Variants in BPTF observed in about 807,000 individuals in gnomAD.
BPTF encodes bromodomain PHD finger transcription factor, also known as nucleosome-remodeling factor subunit BPTF.
BPTF carries 18 observed loss-of-function variants against 292.5 expected under a neutral mutation model. That is an observed-to-expected ratio of 0.06 (90% CI 0.04 to 0.09). BPTF has a LOEUF of 0.09. BPTF is among the 10% of genes least tolerant of loss of function. BPTF has a pLI of 1.00. For synonymous variants in BPTF, 1,225 were observed against 1,251.9 expected (o/e 0.98, Z 0.45); for missense variants, 2,726 against 3,498.7 (o/e 0.78, Z 5.57).
chr17:67,964,567 A>G (rs2067824703), intron 25 of BPTF, among the ~76,000 whole-genome samples, 163 bp downstream of exon 25: 2 of 152,198 alleles, frequency 1.3e-5, no homozygotes, highest in African/African-American at 4.8e-5. Flanking sequence ...TACCAGTGCC[A>G]TGAGCTTTAC....
chr17:67,946,947 T>G (rs2065853628), intron 21 of BPTF, among the ~76,000 whole-genome samples: 1 of 152,232 alleles, frequency 6.6e-6, no homozygotes, highest in Non-Finnish European at 1.5e-5. Context: ...CATCTACCTA[T>G]AGCTTGCTTC....
intron 1 of BPTF, among the ~76,000 whole-genome samples, chr17:67,831,483 G>A (rs1195562857): frequency 6.6e-6 from 1 of 152,146 alleles, no homozygotes; most frequent in Non-Finnish European, 1.5e-5. Flanking sequence ...CACACAGTTC[G>A]TGCTTTTCTA....
chr17:67,976,287 A>T (rs1599048267), intron 27 of BPTF, among the ~76,000 whole-genome samples: 1 of 152,378 alleles, frequency 6.6e-6, no homozygotes, highest in South Asian at 2.1e-4. Context: ...AGACTGGCCA[A>T]CATGGGGAAA....
intron 23 of BPTF, chr17:67,951,707 A>G (rs537902739): frequency 1.3e-5 from 2 of 152,320 alleles, no homozygotes; most frequent in Admixed American, 6.5e-5. Flanking sequence ...GTATGTATTC[A>G]TATATAAACC....
intron 19 of BPTF, among the ~76,000 whole-genome samples, chr17:67,943,325 T>C (rs1217841154): frequency 1.3e-5 from 2 of 152,232 alleles, no homozygotes; most frequent in African/African-American, 4.8e-5. Context: ...ACTTAGTACA[T>C]GGACTTTGCG....
At chr17:67,936,201 G>T (rs2064901950) in intron 18 of BPTF, among the ~76,000 whole-genome samples, 1 of 152,096 alleles carries the variant, frequency 6.6e-6, no homozygotes, top group African/African-American at 2.4e-5. Flanking sequence ...ATATAGCAGG[G>T]TTTTTTGTTG....
chr17:67,941,425 C>T (rs916326521), intron 19 of BPTF, among the ~76,000 whole-genome samples: 4 of 152,084 alleles, frequency 2.6e-5, no homozygotes, highest in South Asian at 2.1e-4. Context: ...TGCATTCCAG[C>T]CTGGGTGACA....
At position 67,912,529 on chromosome 17, in the gene BPTF, A is replaced by G. The variant is rs747073968; in HGVS notation, c.4645A>G (p.Ile1549Val). The change falls in exon 11 of 28, where the codon ATT (isoleucine) becomes GTT (valine). Residue 1549 changes from isoleucine to valine, a missense_variant. By Grantham distance (29) the Ile-to-Val change is conservative (BLOSUM62 3). Transcript: ENST00000306378. The stretch of plus-strand genomic sequence containing the variant: ...AGTTAAGAAAGTTACTTCATCACCT[A>G]TTACTTCTGAAGAGGAATCTAATCT... The part of the protein sequence containing the change: ...SEVKKVTSSP[I>V]TSEEESNLSN... The G allele has an allele frequency of 1.3e-5, 21 of 1,613,914 alleles. No homozygotes were observed. Among genetic ancestry groups the G allele is most frequent in the South Asian group, 6.6e-5 (6 of 91,066 alleles).
rs183144401 is a variant in BPTF, at chr17:67,981,609, G to A, written c.8727-643G>A. 22 of 1,043,880 alleles carry A rather than the reference G, an allele frequency of 2.1e-5. No homozygotes were observed. The East Asian group carries it at 2.2e-3, about 105-fold the overall frequency. 64.7% of individuals were successfully genotyped at this position (1,043,880 alleles called of 1,614,324 possible). ...GTATCGTGGTAAAAAATTTACTCTA[G>A]CAGCCATGTTGAACAATGTATTTAA... On this transcript the variant is annotated intron_variant, in intron 27 of 27. Transcript: ENST00000306378.
chr17:67,959,020 C>T (rs1269866517), intron 23 of BPTF, among the ~76,000 whole-genome samples: 10 of 152,212 alleles, frequency 6.6e-5, no homozygotes, highest in Non-Finnish European at 1.5e-4. Context: ...TTGCACTACT[C>T]TCCCTGCAGT....
chr17:67,978,879 G>T (rs1472858520), intron 27 of BPTF, among the ~76,000 whole-genome samples: 3 of 152,132 alleles, frequency 2.0e-5, no homozygotes, highest in African/African-American at 7.2e-5. Context: ...AGAAAGTTGT[G>T]TAAGTGTACC....
At chr17:67,902,735 T>TG (rs1227977438) in intron 7 of BPTF, among the ~76,000 whole-genome samples, 3 of 152,136 alleles carry the variant, frequency 2.0e-5, no homozygotes, top group Admixed American at 2.0e-4. Flanking sequence ...GAGTTTTTTG[T>TG]GGGGGGAAAG....
At chr17:67,826,488 C>T in intron 1 of BPTF, 151 bp downstream of exon 1, 2 of 862,678 alleles carry the variant, frequency 2.3e-6, no homozygotes. Context: ...CATCAAGTGG[C>T]AAAAAACTAG....
intron 14 of BPTF, among the ~76,000 whole-genome samples, chr17:67,923,469 G>GTT (rs2063603130): frequency 1.8e-5 from 2 of 108,470 alleles, no homozygotes; most frequent in South Asian, 3.5e-4. Flanking sequence ...CTCTCTCTCT[G>GTT]TCTTTTTTTT....
At chr17:67,881,864 T>TTG (rs1555632625) in intron 4 of BPTF, among the ~76,000 whole-genome samples, 5 of 92,610 alleles carry the variant, frequency 5.4e-5, no homozygotes, top group African/African-American at 2.1e-4. Context: ...TTTTGTTTTT[T>TTG]TTTTTTTTTT....
chr17:67,976,072 T>TAA (rs61489754), intron 27 of BPTF, 114 bp downstream of exon 27: 1 of 586,152 alleles, frequency 1.7e-6, no homozygotes, highest in African/African-American at 1.9e-5. Context: ...TAAATATCTT[T>TAA]AAAAAAAAAA....
chr17:67,875,100 G>A, intron 4 of BPTF, 80 bp downstream of exon 4: 1 of 1,212,564 alleles, frequency 8.2e-7, no homozygotes, highest in Non-Finnish European at 1.2e-6. Context: ...CAAAATGAAA[G>A]TGAAATATTG....
intron 4 of BPTF, among the ~76,000 whole-genome samples, chr17:67,883,016 A>G (rs533801380): frequency 6.6e-4 from 100 of 150,510 alleles, no homozygotes; most frequent in Admixed American, 1.4e-3. Flanking sequence ...AAAAAAAAAA[A>G]AAAAGAAAAG....
chr17:67,963,187 A>G lies in BPTF; in HGVS notation c.8262-1025A>G. 6.2e-6 allele frequency: 6 copies of G among 970,466 alleles called. No individual in the cohort carries two copies. The South Asian group carries it at 8.1e-5, about 13-fold the overall frequency. 60.1% of individuals were successfully genotyped at this position (970,466 alleles called of 1,614,324 possible). On this transcript the variant is annotated intron_variant, in intron 24 of 27. Coordinates refer to ENST00000306378, the MANE Select transcript of BPTF (RefSeq NM_182641.4). ...TCAGATACTGGAGTTTGCCAGGAGTAGAATGGTTGGATTCAGAAATGTTTA... is the reference window on the plus strand; with the variant it reads ...TCAGATACTGGAGTTTGCCAGGAGTGGAATGGTTGGATTCAGAAATGTTTA...
Sources: allele counts gnomAD v4.1 joint callset (sites outside exome capture counted in the v4.1 genomes callset), GRCh38; gene constraint gnomAD v4.1.1; transcripts MANE v1.5; gene names NCBI Gene and HGNC (gene_info 2026-07-23, HGNC 2026-07-21).